Variants in FMN2 observed in about 807,000 individuals in gnomAD.
FMN2 encodes formin-2.
In FMN2, 51 loss-of-function variants were observed where a neutral mutation model predicts 142.3. The observed-to-expected ratio is 0.36, with a 90% CI of 0.29 to 0.45. The LOEUF is 0.45. Ranked by LOEUF, FMN2 falls within the 20% of genes least tolerant of loss-of-function variation. The pLI is 1.00. For synonymous variants in FMN2, 882 were observed against 869.8 expected (o/e 1.01, Z -0.25); for missense variants, 1,936 against 2,122.8 (o/e 0.91, Z 1.73).
At position 240,396,756 on chromosome 1, in the gene FMN2, C is replaced by T. The variant is rs554159160; in HGVS notation, c.4910+4194C>T. The stretch of plus-strand genomic sequence containing the variant: ...TCTCTTAGGATAATGGTCTCCAGCT[C>T]CATCTGCGTTCCTGCAAAGGACATG... On this transcript the variant is annotated intron_variant, in intron 15 of 17. Coordinates refer to ENST00000319653, the MANE Select transcript of FMN2 (RefSeq NM_020066.5). Among the ~76,000 whole-genome samples the T allele has an allele frequency of 2.0e-5, 3 of 152,296 alleles. No homozygotes were observed. In the East Asian group the frequency reaches 5.8e-4, roughly 29 times the overall value.
chr1:240,218,265 G>C (rs1666978123), intron 6 of FMN2, among the ~76,000 whole-genome samples: 2 of 107,806 alleles, frequency 1.9e-5, no homozygotes, highest in Admixed American at 1.5e-4. Flanking sequence ...CCTGGCGACA[G>C]AGCGAGACTC....
At chr1:240,142,328 A>G (rs1160890131) in intron 2 of FMN2, among the ~76,000 whole-genome samples, 2 of 152,124 alleles carry the variant, frequency 1.3e-5, no homozygotes, top group Non-Finnish European at 2.9e-5. Flanking sequence ...AAAGACTGTA[A>G]TGAACCGAGC....
At chr1:240,143,435 G>T in intron 2 of FMN2, 1 of 1,445,400 alleles carries the variant, frequency 6.9e-7, no homozygotes, top group Non-Finnish European at 9.7e-7. Flanking sequence ...GCCACTCCCT[G>T]ATGTGCTCCC....
At chr1:240,099,408 G>A (rs1484960176) in intron 1 of FMN2, among the ~76,000 whole-genome samples, 1 of 151,696 alleles carries the variant, frequency 6.6e-6, no homozygotes, top group African/African-American at 2.4e-5. Flanking sequence ...TGTGGTGGGG[G>A]GTTGGATAAG....
In FMN2 at chr1:240,290,786, T is replaced by TG. The variant is rs201758946; in HGVS notation, c.4154-4036_4154-4035insG. Among the ~76,000 whole-genome samples the TG allele has an allele frequency of 6.4e-3, 615 of 96,180 alleles. 6 individuals carry two copies. The highest frequency in any genetic ancestry group is 0.01 in the Non-Finnish European group (471 of 45,774). The allele number at this position is 96,180 out of a possible 152,430, so 63.1% of individuals were successfully genotyped here. On this transcript the variant is annotated intron_variant, in intron 7 of 17. Coordinates refer to ENST00000319653, the MANE Select transcript of FMN2 (RefSeq NM_020066.5). ...AGTGATGTCTGTTTGTTTGGTTTTT[T>TG]TTTTTTGTTTTTTTTTTTTTTTGAG...
intron 7 of FMN2, among the ~76,000 whole-genome samples, chr1:240,290,780 G>GTTTTTTTTTTTTTT (rs869026471): frequency 4.0e-5 from 4 of 100,192 alleles, no homozygotes; most frequent in Non-Finnish European, 5.6e-5. Flanking sequence ...TGTTTGTTTG[G>GTTTTTTTTTTTTTT]TTTTTTTTTT....
intron 7 of FMN2, among the ~76,000 whole-genome samples, chr1:240,287,253 G>C (rs1049934844): frequency 6.6e-6 from 1 of 152,184 alleles, no homozygotes; most frequent in Non-Finnish European, 1.5e-5. Context: ...TGACAAACCT[G>C]ACTCTTAAAT....
intron 2 of FMN2, among the ~76,000 whole-genome samples, chr1:240,150,974 A>G (rs1663744965): frequency 6.6e-6 from 1 of 152,230 alleles, no homozygotes; most frequent in South Asian, 2.1e-4. Context: ...AACCTTCCCT[A>G]TATCCATAGC....
At chr1:240,272,913 A>C (rs1000631926) in intron 7 of FMN2, among the ~76,000 whole-genome samples, 1 of 152,220 alleles carries the variant, frequency 6.6e-6, no homozygotes, top group African/African-American at 2.4e-5. Context: ...TCAGATAATT[A>C]TATGCACGTG....
At chr1:240,159,886 GAT>G (rs1165678839) in intron 2 of FMN2, among the ~76,000 whole-genome samples, 4 of 135,408 alleles carry the variant, frequency 3.0e-5, no homozygotes, top group East Asian at 2.2e-4. Flanking sequence ...TACATGGAGA[GAT>G]ATATATATAT....
chr1:240,287,022 T>C (rs1442949180), intron 7 of FMN2, among the ~76,000 whole-genome samples: 1 of 152,204 alleles, frequency 6.6e-6, no homozygotes, highest in Non-Finnish European at 1.5e-5. Flanking sequence ...CAAAATGTTT[T>C]GTAGGACATT....
chr1:240,188,425 T>C (rs1258056223), intron 4 of FMN2, among the ~76,000 whole-genome samples, 163 bp downstream of exon 4: 1 of 152,226 alleles, frequency 6.6e-6, no homozygotes, highest in Non-Finnish European at 1.5e-5. Flanking sequence ...GATGTTTTCT[T>C]CCATTTATTT....
chr1:240,243,867 A>G (rs1039388740), intron 6 of FMN2, among the ~76,000 whole-genome samples: 2 of 152,158 alleles, frequency 1.3e-5, no homozygotes, highest in African/African-American at 4.8e-5. Context: ...CTTTCCTTCT[A>G]TTCTTACATC....
chr1:240,293,899 A>G (rs1237512804), intron 7 of FMN2, among the ~76,000 whole-genome samples: 1 of 152,144 alleles, frequency 6.6e-6, no homozygotes, highest in Non-Finnish European at 1.5e-5. Context: ...TGCCAGAGTC[A>G]ACTAGAAAAT....
At chr1:240,305,094 C>A (rs1325353008) in intron 8 of FMN2, among the ~76,000 whole-genome samples, 1 of 152,096 alleles carries the variant, frequency 6.6e-6, no homozygotes, top group Non-Finnish European at 1.5e-5. Flanking sequence ...TATCATGGAG[C>A]ATAGTTATAA....
At chr1:240,305,708 A>G (rs1670363961) in intron 8 of FMN2, among the ~76,000 whole-genome samples, 1 of 152,220 alleles carries the variant, frequency 6.6e-6, no homozygotes, top group Non-Finnish European at 1.5e-5. Flanking sequence ...ATGCCAAGGA[A>G]TGTGTCTATT....
In FMN2 at chr1:240,191,808, C is replaced by T. The variant is rs181885190; in HGVS notation, c.1986+3546C>T. 1.9e-3 allele frequency among the ~76,000 whole-genome samples: 291 copies of T among 152,238 alleles called. 2 individuals are homozygous for T. Among genetic ancestry groups the T allele is most frequent in the Admixed American group, 3.2e-3 (49 of 15,292 alleles). On this transcript the variant is annotated intron_variant, in intron 4 of 17. Coordinates refer to ENST00000319653, the MANE Select transcript of FMN2 (RefSeq NM_020066.5). ...AGCATTTTTCTAAAACTCTTGGTAT[C>T]TTTCTAATATACATGGACTAGCTGG...
intron 2 of FMN2, among the ~76,000 whole-genome samples, chr1:240,177,439 TA>T (rs1664966638): frequency 6.6e-6 from 1 of 151,812 alleles, no homozygotes; most frequent in African/African-American, 2.4e-5. Flanking sequence ...GGACCCCAGA[TA>T]AGTCGGTTTC....
chr1:240,340,307 G>A (rs578102109), intron 13 of FMN2, among the ~76,000 whole-genome samples: 262 of 152,192 alleles, frequency 1.7e-3, no homozygotes, highest in African/African-American at 6.2e-3. Flanking sequence ...CGGGCCGGGT[G>A]CAGTGGCTCA....
Sources: allele counts gnomAD v4.1 joint callset (sites outside exome capture counted in the v4.1 genomes callset), GRCh38; gene constraint gnomAD v4.1.1; transcripts MANE v1.5; gene names NCBI Gene and HGNC (gene_info 2026-07-23, HGNC 2026-07-21).